ZNF665: variants seen among roughly 807,000 people sequenced by gnomAD.
ZNF665 encodes zinc finger protein 665.
ZNF665 carries 6 observed loss-of-function variants against 7.9 expected under a neutral mutation model. The ratio of observed to expected loss-of-function variants is 0.76; its 90% CI spans 0.42 to 1.50. ZNF665 has a LOEUF of 1.50. Among genes scored for constraint, ZNF665 ranks in the 40% most tolerant of loss-of-function variants. The pLI is 0.01. For synonymous variants in ZNF665, 242 were observed against 274.5 expected, an observed-to-expected ratio of 0.88 and a Z score of 1.17; for missense variants, 819 against 806.7, an observed-to-expected ratio of 1.02 and a Z score of -0.18.
intron 1 of ZNF665, among the ~76,000 whole-genome samples, chr19:53,183,152 G>A (rs767383759): frequency 2.0e-5 from 3 of 152,214 alleles, no homozygotes; most frequent in South Asian, 2.1e-4. Flanking sequence ...GTGAGTTTCT[G>A]ACCTCTTTCT....
chr19:53,183,060 C>T, intron 1 of ZNF665, 117 bp from the exon 2 acceptor site: 3 of 1,123,682 alleles, frequency 2.7e-6, no homozygotes, highest in Non-Finnish European at 4.0e-6. Context: ...CAGGGAAGAC[C>T]TTATACACAG....
In ZNF665 at chr19:53,164,461, T is replaced by C. The variant is rs760912530; in HGVS notation, c.2029A>G (p.Ser677Gly). The C allele has an allele frequency of 1.9e-6, 3 of 1,589,612 alleles. No individual in the cohort carries two copies. The South Asian group carries it at 3.5e-5, about 18-fold the overall frequency. ...SNLAKHRRIH[S>G]G Reference sequence around the variant, plus strand: ...CGTCCTTTGTAAGGTTTCTATCCACTATGAATTCTTCGATGTTTTGCAAGG... The same window carrying C: ...CGTCCTTTGTAAGGTTTCTATCCACCATGAATTCTTCGATGTTTTGCAAGG... Residue 677 changes from serine (S) to glycine (G), a missense_variant, in exon 4 of 4, where the codon AGT becomes GGT. Transcript: ENST00000396424.
chr19:53,167,327 T>TA (rs1371648389), intron 3 of ZNF665, among the ~76,000 whole-genome samples: 4 of 151,998 alleles, frequency 2.6e-5, no homozygotes, highest in Non-Finnish European at 5.9e-5. Context: ...TTACAAATGG[T>TA]AAAAAACCAT....
chr19:53,185,677 C>A (rs1306922912), intron 1 of ZNF665, among the ~76,000 whole-genome samples: 1 of 151,920 alleles, frequency 6.6e-6, no homozygotes, highest in Non-Finnish European at 1.5e-5. Flanking sequence ...CGTGCATAGT[C>A]CACATTTAGG....
At chr19:53,183,009 T>G (rs1568665297) in intron 1 of ZNF665, 66 bp from the exon 2 acceptor site, 1 of 1,504,350 alleles carries the variant, frequency 6.6e-7, no homozygotes. Context: ...GTTTGTTGGT[T>G]AGAATCAACA....
At chr19:53,167,171 T>C (rs374087132) in intron 3 of ZNF665, among the ~76,000 whole-genome samples, 13 of 151,724 alleles carry the variant, frequency 8.6e-5, no homozygotes, top group African/African-American at 3.1e-4. Context: ...CAGACTAATT[T>C]TGTATTTTTA....
chr19:53,178,019 G>A (rs889131866), intron 2 of ZNF665, among the ~76,000 whole-genome samples: 2 of 152,208 alleles, frequency 1.3e-5, no homozygotes, highest in African/African-American at 4.8e-5. Flanking sequence ...TGAAAGAGCA[G>A]CTCGCAATGC....
chr19:53,178,759 C>T (rs766598131), intron 2 of ZNF665, among the ~76,000 whole-genome samples: 5 of 152,072 alleles, frequency 3.3e-5, no homozygotes, highest in Non-Finnish European at 1.5e-5. Flanking sequence ...CAAATTTAAA[C>T]TGAAAACAGA....
chr19:53,168,234 CT>C (rs2090632789), intron 3 of ZNF665, among the ~76,000 whole-genome samples: 1 of 151,900 alleles, frequency 6.6e-6, no homozygotes, highest in African/African-American at 2.4e-5. Flanking sequence ...AAAAATGCTG[CT>C]AGAACTAGTG....
rs372855271 is a variant in ZNF665, at chr19:53,171,524, A to ATATATATTTTT, written c.142+3920_142+3921insAAAAATATATA. 1.3e-3 allele frequency among the ~76,000 whole-genome samples: 93 copies of ATATATATTTTT among 69,314 alleles called. 2 individuals carry two copies. The highest frequency in any genetic ancestry group is 0.01 in the East Asian group (16 of 1,542). The allele number at this position is 69,314 out of a possible 152,430, so 45.5% of individuals were successfully genotyped here. ...TGTGTGTATATATATATATATATAT[A>ATATATATTTTT]TTTTTTTTTTTTTTTTCTTTTTTTA... On this transcript the variant is annotated intron_variant, in intron 3 of 3. Transcript: ENST00000396424.
rs1409672882 is a variant in ZNF665 at position 53,162,885 on chromosome 19, C to T, written c.*1568G>A. ...AAAAAAAAAATCAATCTTTGCTATG[C>T]AACAGCTATTGGCATTTGATGGAGA... On this transcript the variant is annotated 3_prime_UTR_variant, in exon 4 of 4. Coordinates refer to ENST00000396424, the MANE Select transcript of ZNF665 (RefSeq NM_024733.5). 1.3e-5 allele frequency: 2 copies of T among 151,686 alleles called. No individual in the cohort carries two copies. The highest frequency in any genetic ancestry group is 2.9e-5 in the Non-Finnish European group (2 of 68,048). 9.4% of individuals were successfully genotyped at this position (151,686 alleles called of 1,614,324 possible). A position where few individuals can be genotyped will look rare whatever the true frequency, so the allele number is the denominator to read the frequency against.
intron 3 of ZNF665, among the ~76,000 whole-genome samples, chr19:53,169,074 A>G (rs923978890): frequency 1.3e-5 from 2 of 152,158 alleles, no homozygotes; most frequent in African/African-American, 4.8e-5. Flanking sequence ...ATCATGATCC[A>G]TAAAAGAAAA....
intron 2 of ZNF665, among the ~76,000 whole-genome samples, chr19:53,176,169 T>TAAATAA (rs2090696485): frequency 6.6e-6 from 1 of 151,602 alleles, no homozygotes; most frequent in Non-Finnish European, 1.5e-5. Flanking sequence ...TCAAAATAAA[T>TAAATAA]AAATAAGAAT....
rs775509496 is a variant in ZNF665, at chr19:53,165,358, C to A, written c.1132G>T (p.Glu378Ter). ...TGCATACTGAAGGCTTTCCCACACTCATTACACTTGTAAGGTTTCTCACCA... is the reference window on the plus strand; with the variant it reads ...TGCATACTGAAGGCTTTCCCACACTAATTACACTTGTAAGGTTTCTCACCA... ...HTGEKPYKCN[E>*]CGKAFSMHSN... is the part of the protein sequence containing the mutation. Residue 378 changes from glutamate to a stop codon, truncating the protein, a stop_gained, in exon 4 of 4, where the codon GAG becomes TAG. Transcript: ENST00000396424. LOFTEE classifies it low-confidence loss of function (END_TRUNC). The A allele has an allele frequency of 6.2e-7, 1 of 1,614,164 alleles. No individual in the cohort carries two copies. The highest frequency in any genetic ancestry group is 1.1e-5 in the South Asian group (1 of 91,078).
intron 2 of ZNF665, among the ~76,000 whole-genome samples, chr19:53,179,342 C>G (rs1174755186): frequency 1.5e-5 from 2 of 130,386 alleles, no homozygotes; most frequent in East Asian, 4.7e-4. Context: ...CACCACTGCA[C>G]TCCAGCCTGG....
intron 2 of ZNF665, 21 bp downstream of exon 2, chr19:53,182,863 C>A (rs777318432): frequency 6.2e-7 from 1 of 1,613,302 alleles, no homozygotes; most frequent in Non-Finnish European, 8.5e-7. Context: ...ACAGAACAAT[C>A]CACCGAGAAT....
intron 1 of ZNF665, 45 bp downstream of exon 1, chr19:53,193,267 G>A (rs2090832081): frequency 6.6e-6 from 1 of 152,172 alleles, no homozygotes; most frequent in Admixed American, 6.6e-5. Flanking sequence ...CGGAGGAGCA[G>A]GGGACTCCGA....
chr19:53,182,465 TCCCCA>T, intron 2 of ZNF665: 2 of 510,914 alleles, frequency 3.9e-6, no homozygotes, highest in Non-Finnish European at 7.0e-6. Context: ...GACAAAGCTT[TCCCCA>T]CAGTCGTCTC....
chr19:53,170,013 T>C (rs569482109), intron 3 of ZNF665, among the ~76,000 whole-genome samples: 11 of 145,846 alleles, frequency 7.5e-5, no homozygotes, highest in African/African-American at 2.3e-4. Flanking sequence ...TGTGTCTTTA[T>C]AGCAGCATGA....
Sources: gnomAD v4.1 joint callset for allele counts (sites outside exome capture counted in the v4.1 genomes callset) on GRCh38, gnomAD v4.1.1 for gene constraint, MANE v1.5 for transcripts, NCBI Gene and HGNC (gene_info 2026-07-23, HGNC 2026-07-21) for gene names.